GNG5B: variants seen among roughly 807,000 people sequenced by gnomAD.
The protein encoded by GNG5B is guanine nucleotide-binding protein G(I)/G(S)/G(O) subunit gamma-5B.
the GNG5B span, chrX:110,346,832 T>C: frequency 1.2e-5 from 8 of 679,543 alleles, no homozygotes; most frequent in Non-Finnish European, 1.9e-5. Context: ...GGGAAACTTT[T>C]ACGCTGTTGA....
the GNG5B span, chrX:110,346,753 A>G: frequency 3.1e-5 from 25 of 811,760 alleles, no homozygotes; most frequent in Non-Finnish European, 4.7e-5. Flanking sequence ...GTACTTGAAG[A>G]TACTCCAGTC....
the GNG5B span, chrX:110,346,558 T>C: frequency 2.3e-6 from 1 of 438,920 alleles, no homozygotes; most frequent in East Asian, 3.8e-5. Context: ...GAGGTAGATG[T>C]TAAGGACAGA....
At chrX:110,346,664 TAAG>T in the GNG5B span, 1 of 589,444 alleles carries the variant, frequency 1.7e-6, no homozygotes, top group South Asian at 2.3e-5. Context: ...CACTGGATCA[TAAG>T]AAGTGGTTTG....
the GNG5B span, chrX:110,346,698 T>C: frequency 3.3e-4 from 245 of 744,121 alleles, no homozygotes; most frequent in African/African-American, 4.6e-3. Context: ...GAAAGATTCA[T>C]TGTACTACAA....
At chrX:110,346,613 A>T in the GNG5B span, 1 of 516,346 alleles carries the variant, frequency 1.9e-6, no homozygotes, top group Non-Finnish European at 3.6e-6. Flanking sequence ...TTACAGGGAT[A>T]AGCTTTTGTA....
At chrX:110,346,923 G>A in the GNG5B span, 1 of 555,137 alleles carries the variant, frequency 1.8e-6, no homozygotes, top group Non-Finnish European at 3.3e-6. Flanking sequence ...GAACGCGGGG[G>A]CCGGGCCGAT....
At chrX:110,346,942 C>G in the GNG5B span, 3 of 534,051 alleles carry the variant, frequency 5.6e-6, no homozygotes, top group Non-Finnish European at 1.0e-5. Flanking sequence ...ATTCGTGGGT[C>G]GGTGGGTCGT....
At chrX:110,346,724 C>A in the GNG5B span, 3 of 823,780 alleles carry the variant, frequency 3.6e-6, no homozygotes, top group South Asian at 4.1e-5. Flanking sequence ...AACAGACTTT[C>A]TGGGGTCTGA....
the GNG5B span, chrX:110,346,882 T>C: frequency 3.2e-6 from 2 of 625,121 alleles, no homozygotes; most frequent in South Asian, 2.3e-5. Flanking sequence ...ACTTTCTTCG[T>C]AGCGGCGACG....
chrX:110,346,655 A>G, the GNG5B span: 1 of 574,402 alleles, frequency 1.7e-6, no homozygotes, highest in Non-Finnish European at 3.2e-6. Context: ...TTGAATATTC[A>G]CTGGATCATA....
the GNG5B span, chrX:110,346,820 C>G: frequency 1.1e-5 from 8 of 719,975 alleles, no homozygotes; most frequent in East Asian, 2.5e-4. Context: ...CTGCAGCTGC[C>G]TGGGAAACTT....
the GNG5B span, chrX:110,346,886 G>A: frequency 1.1e-5 from 7 of 617,880 alleles, no homozygotes; most frequent in Non-Finnish European, 1.9e-5. Context: ...TCTTCGTAGC[G>A]GCGACGCTGG....
the GNG5B span, chrX:110,346,763 C>T: frequency 5.0e-5 from 40 of 793,843 alleles, no homozygotes; most frequent in Admixed American, 1.8e-4. Context: ...ATACTCCAGT[C>T]AGCAGAGGGT....
At chrX:110,346,645 T>C in the GNG5B span, 1 of 564,495 alleles carries the variant, frequency 1.8e-6, no homozygotes, top group Non-Finnish European at 3.2e-6. Context: ...TGTATCTCTC[T>C]TGAATATTCA....
the GNG5B span, chrX:110,346,584 G>A: frequency 2.2e-6 from 1 of 461,426 alleles, no homozygotes; most frequent in Non-Finnish European, 3.9e-6. Context: ...GTAGAATTTT[G>A]TATATTACAG....
the GNG5B span, chrX:110,346,557 G>C: frequency 2.3e-6 from 1 of 440,166 alleles, no homozygotes; most frequent in Non-Finnish European, 4.1e-6. Context: ...AGAGGTAGAT[G>C]TTAAGGACAG....
chrX:110,346,788 T>G, the GNG5B span: 159 of 744,604 alleles, frequency 2.1e-4, 1 homozygote, highest in East Asian at 3.4e-3. Flanking sequence ...TTGAGCATTC[T>G]GCAGACAGAA....
At chrX:110,346,841 G>A in the GNG5B span, 2 of 660,880 alleles carry the variant, frequency 3.0e-6, no homozygotes, top group Admixed American at 4.4e-5. Context: ...TTACGCTGTT[G>A]AGCCCGGCCT....
the GNG5B span, chrX:110,346,888 C>A: frequency 1.6e-6 from 1 of 618,361 alleles, no homozygotes; most frequent in East Asian, 3.3e-5. Flanking sequence ...TTCGTAGCGG[C>A]GACGCTGGAG....
Sources: gnomAD v4.1 joint callset for allele counts on GRCh38, gnomAD v4.1.1 for gene constraint, MANE v1.5 for transcripts, NCBI Gene and HGNC (gene_info 2026-07-23, HGNC 2026-07-21) for gene names.